The following WNK1 variants were observed in gnomAD, a reference collection of about 807,000 sequenced individuals.
WNK1 encodes the protein serine/threonine-protein kinase WNK1.
Under a neutral mutation model 222.8 loss-of-function variants are expected in WNK1, and 38 were observed. That is an observed-to-expected ratio of 0.17 (90% CI 0.13 to 0.22). WNK1 has a LOEUF of 0.22. WNK1 is among the 10% of genes least tolerant of loss of function. The pLI is 1.00. For synonymous variants in WNK1, 1,090 were observed against 1,092.9 expected (o/e 1.00, Z 0.05); for missense variants, 2,348 against 2,918.4 (o/e 0.80, Z 4.50).
At chr12:886,768 T>C (rs1225237923) in intron 19 of WNK1, among the ~76,000 whole-genome samples, 1 of 152,196 alleles carries the variant, frequency 6.6e-6, no homozygotes, top group Non-Finnish European at 1.5e-5. Flanking sequence ...AAAATAGAAA[T>C]TCTTGATAAT....
chr12:886,003 A>G lies in WNK1; in HGVS notation c.5199A>G (p.Gln1733=). Reference sequence around the variant, plus strand: ...TTACACCAGTGGTCACACCTGGGCAAGTTTCTACCCCAGTCAGCACTACTA... The same window carrying G: ...TTACACCAGTGGTCACACCTGGGCAGGTTTCTACCCCAGTCAGCACTACTA... The part of the protein sequence containing the change: ...LPVTPVVTPG[Q]VSTPVSTTTS... The change falls in exon 19 of 28, where the codon CAA becomes CAG. Residue 1733 remains glutamine (Q), a synonymous_variant. Coordinates refer to ENST00000315939, the MANE Select transcript of WNK1 (RefSeq NM_018979.4). 1 of 1,592,106 alleles carries G rather than the reference A, an allele frequency of 6.3e-7. No homozygotes were observed. Among genetic ancestry groups the G allele is most frequent in the Non-Finnish European group, 8.5e-7 (1 of 1,171,774 alleles).
chr12:762,114 C>A (rs972157524), intron 1 of WNK1, among the ~76,000 whole-genome samples: 1 of 142,340 alleles, frequency 7.0e-6, no homozygotes, highest in Non-Finnish European at 1.5e-5. Context: ...GGCTGGAGTA[C>A]AGTGGCACAA....
rs1398965260 is a variant in WNK1, at chr12:897,597, G to A, written c.6364G>A (p.Gly2122Arg). 6.2e-7 allele frequency: 1 copy of A among 1,614,182 alleles called. No individual in the cohort carries two copies. The highest frequency in any genetic ancestry group is 8.5e-7 in the Non-Finnish European group (1 of 1,180,036). ...VIIPPAAPLS[G>R]RRRRPTKSKG... is the part of the protein sequence containing the mutation. ...TATTCCCCCAGCTGCTCCCCTTTCA[G>A]GGAGAAGACGACGACCCACTAAAAG... The change falls in exon 25 of 28, where the codon GGG becomes AGG. Residue 2122 changes from glycine (G) to arginine (R), a missense_variant. Physicochemically the swap from Gly to Arg is moderately radical, Grantham distance 125. Transcript: ENST00000315939.
At chr12:906,985 A>G (rs971237501) in intron 26 of WNK1, among the ~76,000 whole-genome samples, 1 of 138,316 alleles carries the variant, frequency 7.2e-6, no homozygotes, top group Non-Finnish European at 1.5e-5. Context: ...GTGCCGCTGT[A>G]TCCAGCCTGG....
In WNK1 at chr12:759,393, C is replaced by T. The variant is rs1218659116; in HGVS notation, c.759+5069C>T. On this transcript the variant is annotated intron_variant, in intron 1 of 27. Coordinates refer to ENST00000315939, the MANE Select transcript of WNK1 (RefSeq NM_018979.4). ...TCGCCCAGGCTGGAGTACAGTGGCG[C>T]GATCTCGGCTCACTGCAACCTCCAC... Among the ~76,000 whole-genome samples the T allele has an allele frequency of 3.4e-5, 5 of 147,148 alleles. 2 individuals carry two copies. The highest frequency in any genetic ancestry group is 2.0e-4 in the East Asian group (1 of 5,118).
intron 1 of WNK1, among the ~76,000 whole-genome samples, chr12:807,335 CTT>C (rs1946460124): frequency 6.9e-6 from 1 of 145,078 alleles, no homozygotes; most frequent in South Asian, 2.2e-4. Flanking sequence ...AGTCCTCCCT[CTT>C]TTGCTTTTAT....
At chr12:801,607 T>C (rs1945885395) in intron 1 of WNK1, among the ~76,000 whole-genome samples, 1 of 151,106 alleles carries the variant, frequency 6.6e-6, no homozygotes, top group African/African-American at 2.4e-5. Context: ...AAGGTCTTGC[T>C]CTGTTGCCCA....
chr12:851,822 T>C (rs1950442290), intron 4 of WNK1: 1 of 1,280,984 alleles, frequency 7.8e-7, no homozygotes, highest in African/African-American at 1.5e-5. Context: ...GTTTATATTG[T>C]AGCCTTTTTG....
At chr12:900,813 G>A (rs778413031) in intron 26 of WNK1, 143 bp downstream of exon 26, 1 of 1,014,512 alleles carries the variant, frequency 9.9e-7, no homozygotes, top group East Asian at 2.4e-5. Flanking sequence ...TGGGTGAAAA[G>A]GGAAGTGGAG....
At chr12:859,686 T>G (rs1221572239) in intron 6 of WNK1, among the ~76,000 whole-genome samples, 1 of 151,058 alleles carries the variant, frequency 6.6e-6, no homozygotes, top group Non-Finnish European at 1.5e-5. Flanking sequence ...TGTTAGATTT[T>G]ATAGTCCTTT....
At chr12:868,254 A>C (rs375482581) in intron 8 of WNK1, 2 of 1,601,834 alleles carry the variant, frequency 1.2e-6, no homozygotes, top group Non-Finnish European at 1.7e-6. Context: ...GAAGCTCACT[A>C]TTTTATTCCT....
chr12:897,384 A>G, intron 24 of WNK1, 95 bp from the exon 25 acceptor site: 2 of 842,524 alleles, frequency 2.4e-6, no homozygotes, highest in Non-Finnish European at 2.0e-6. Flanking sequence ...AGTAACTACT[A>G]CATACTTGAA....
At chr12:863,120 A>G (rs535277531) in intron 8 of WNK1, among the ~76,000 whole-genome samples, 2 of 152,292 alleles carry the variant, frequency 1.3e-5, no homozygotes, top group South Asian at 4.1e-4. Flanking sequence ...ACTGTACAGC[A>G]CTTGTTTAGT....
rs1939475171 is a variant in WNK1, at chr12:753,334, C to T, written c.-232C>T. ...GCTCAGCTCCCGAATCGCCCGCCTT[C>T]GAGCCCTCCTCGTGAGCCGCAGCAG... On this transcript the variant is annotated 5_prime_UTR_variant, in exon 1 of 28. Coordinates refer to ENST00000315939, the MANE Select transcript of WNK1 (RefSeq NM_018979.4). The surrounding 1 kb of genome is among the most constrained non-coding windows in gnomAD (Gnocchi z 5.2). The T allele has an allele frequency of 5.1e-6, 3 of 587,070 alleles. No individual in the cohort carries two copies. Among genetic ancestry groups the T allele is most frequent in the Admixed American group, 6.3e-5 (2 of 31,562 alleles). 36.4% of individuals were successfully genotyped at this position (587,070 alleles called of 1,614,324 possible).
intron 1 of WNK1, among the ~76,000 whole-genome samples, chr12:777,552 C>A (rs747950958): frequency 6.6e-6 from 1 of 152,088 alleles, no homozygotes; most frequent in South Asian, 2.1e-4. Flanking sequence ...TTGGACCAAA[C>A]GTAGTCTGCT....
chr12:804,716 C>G (rs1946200273), intron 1 of WNK1, among the ~76,000 whole-genome samples: 1 of 151,970 alleles, frequency 6.6e-6, no homozygotes, highest in Non-Finnish European at 1.5e-5. Flanking sequence ...TCCCCATTGT[C>G]CCCTTTCCCT....
chr12:882,270 C>T (rs1327475190), intron 14 of WNK1, among the ~76,000 whole-genome samples, 197 bp downstream of exon 14: 1 of 152,068 alleles, frequency 6.6e-6, no homozygotes, highest in Non-Finnish European at 1.5e-5. Flanking sequence ...GATCTCTTCT[C>T]ACTGTGATTG....
At chr12:771,306 C>CT (rs1166063772) in intron 1 of WNK1, among the ~76,000 whole-genome samples, 1 of 151,800 alleles carries the variant, frequency 6.6e-6, no homozygotes, top group Non-Finnish European at 1.5e-5. Flanking sequence ...GCTTTATATT[C>CT]TTTAGTAATT....
chr12:837,947 A>C (rs1591944171), intron 4 of WNK1, among the ~76,000 whole-genome samples: 1 of 152,170 alleles, frequency 6.6e-6, no homozygotes, highest in South Asian at 2.1e-4. Context: ...TGGACATTTC[A>C]TCTAAATAGA....
Sources: allele counts gnomAD v4.1 joint callset (sites outside exome capture counted in the v4.1 genomes callset), GRCh38; gene constraint gnomAD v4.1.1; non-coding constraint Gnocchi (gnomAD v3.1); transcripts MANE v1.5; gene names NCBI Gene and HGNC (gene_info 2026-07-23, HGNC 2026-07-21).